FCHO2: variants seen among roughly 807,000 people sequenced by gnomAD.
FCHO2 encodes F-BAR domain only protein 2.
FCHO2 carries 43 observed loss-of-function variants against 114.1 expected under a neutral mutation model. The ratio of observed to expected loss-of-function variants is 0.38; its 90% CI spans 0.30 to 0.49. FCHO2 has a LOEUF of 0.49. FCHO2 is among the 20% of genes least tolerant of loss of function. The probability of loss-of-function intolerance (pLI) is 0.97; values close to 1 mark genes in which losing one functional copy is unlikely to be tolerated. For synonymous variants in FCHO2, 293 were observed against 315.2 expected, an observed-to-expected ratio of 0.93 and a Z score of 0.75; for missense variants, 807 against 950.4, an observed-to-expected ratio of 0.85 and a Z score of 1.98.
At chr5:72,971,519 A>T (rs1752552099) in intron 2 of FCHO2, among the ~76,000 whole-genome samples, 1 of 152,164 alleles carries the variant, frequency 6.6e-6, no homozygotes, top group Admixed American at 6.5e-5. Context: ...GTATCTGTTC[A>T]TGTCCTTCGC....
At chr5:73,041,834 A>T (rs1274115903) in intron 11 of FCHO2, among the ~76,000 whole-genome samples, 1 of 152,128 alleles carries the variant, frequency 6.6e-6, no homozygotes, top group Non-Finnish European at 1.5e-5. Flanking sequence ...TAAAGAAGAC[A>T]TCAAATGGAG....
intron 22 of FCHO2, among the ~76,000 whole-genome samples, chr5:73,080,969 G>A (rs539530332): frequency 6.6e-6 from 1 of 152,162 alleles, no homozygotes; most frequent in South Asian, 2.1e-4. Context: ...AATTCTCTGG[G>A]TGTGATGGCA....
chr5:73,048,239 C>T (rs546465615), intron 11 of FCHO2, among the ~76,000 whole-genome samples: 32 of 151,940 alleles, frequency 2.1e-4, no homozygotes, highest in African/African-American at 7.5e-4. Flanking sequence ...CAACTGAGGC[C>T]AGGAGTTCGA....
intron 5 of FCHO2, among the ~76,000 whole-genome samples, chr5:72,998,637 G>C (rs1453661870): frequency 6.6e-6 from 1 of 151,104 alleles, no homozygotes; most frequent in Admixed American, 6.6e-5. Context: ...GAGGATTAAA[G>C]TACTGCTGGG....
intron 1 of FCHO2, among the ~76,000 whole-genome samples, chr5:72,958,836 AACTT>A (rs1375618230): frequency 6.6e-6 from 1 of 152,240 alleles, no homozygotes; most frequent in Admixed American, 6.5e-5. Flanking sequence ...TTAAGTTGCT[AACTT>A]AATTCCAAAT....
At chr5:73,057,296 G>A (rs138178663) in intron 16 of FCHO2, among the ~76,000 whole-genome samples, 1 of 152,224 alleles carries the variant, frequency 6.6e-6, no homozygotes, top group Non-Finnish European at 1.5e-5. Context: ...TGATACTTTT[G>A]AGGTACTAAT....
At chr5:73,055,839 T>G (rs1427952478) in intron 15 of FCHO2, among the ~76,000 whole-genome samples, 1 of 152,174 alleles carries the variant, frequency 6.6e-6, no homozygotes, top group Non-Finnish European at 1.5e-5. Context: ...TTAATTGACT[T>G]AAGTCATTTC....
intron 6 of FCHO2, among the ~76,000 whole-genome samples, chr5:73,014,584 G>T (rs191513329): frequency 2.6e-5 from 4 of 151,820 alleles, no homozygotes; most frequent in Admixed American, 6.6e-5. Context: ...CACCGTGCCC[G>T]GTGTATATTA....
intron 24 of FCHO2, among the ~76,000 whole-genome samples, chr5:73,084,324 G>C (rs549434221): frequency 6.6e-6 from 1 of 152,082 alleles, no homozygotes; most frequent in Non-Finnish European, 1.5e-5. Context: ...GGAGTGCAGC[G>C]GCATGATCTT....
At chr5:73,009,824 G>A (rs1026283593) in intron 6 of FCHO2, among the ~76,000 whole-genome samples, 4 of 152,102 alleles carry the variant, frequency 2.6e-5, no homozygotes, top group Admixed American at 2.0e-4. Flanking sequence ...CACAGGCACC[G>A]TGCCAGCCCA....
intron 18 of FCHO2, among the ~76,000 whole-genome samples, chr5:73,064,461 A>G (rs1580190502): frequency 6.6e-6 from 1 of 152,160 alleles, no homozygotes; most frequent in Middle Eastern, 3.4e-3. Context: ...TATAGACTCT[A>G]TGCAGTGAGG....
At position 73,089,503 on chromosome 5, in the gene FCHO2, A is replaced by G. The variant is rs1743417363; in HGVS notation, c.*1413A>G. ...TATATTTGGTTAAACATTTCTAAAA[A>G]TAAACTACCAATACTAAATAGTAAG... is the stretch of plus-strand genomic sequence containing the variant. On this transcript the variant is annotated 3_prime_UTR_variant, in exon 26 of 26. Transcript: ENST00000430046. 6.6e-6 allele frequency: 1 copy of G among 152,410 alleles called. No individual in the cohort carries two copies. Among genetic ancestry groups the G allele is most frequent in the South Asian group, 2.1e-4 (1 of 4,836 alleles). The allele number at this position is 152,410 out of a possible 1,614,324, so 9.4% of individuals were successfully genotyped here.
intron 8 of FCHO2, among the ~76,000 whole-genome samples, chr5:73,027,490 T>A (rs1412087045): frequency 2.0e-5 from 3 of 152,042 alleles, no homozygotes; most frequent in Non-Finnish European, 4.4e-5. Context: ...GTTTGTCTAA[T>A]CCAAGGTCAC....
chr5:73,066,035 C>A (rs1272209651), intron 18 of FCHO2, among the ~76,000 whole-genome samples: 2 of 152,004 alleles, frequency 1.3e-5, no homozygotes, highest in Admixed American at 1.3e-4. Context: ...GGATAATGGC[C>A]TCCAGTTCTA....
chr5:72,972,153 C>T (rs1318769100), intron 2 of FCHO2, among the ~76,000 whole-genome samples: 1 of 151,958 alleles, frequency 6.6e-6, no homozygotes, highest in Non-Finnish European at 1.5e-5. Flanking sequence ...CACCTTTGTT[C>T]TTTTGGCTTA....
At chr5:73,063,452 T>C (rs912369576) in intron 17 of FCHO2, among the ~76,000 whole-genome samples, 1 of 152,054 alleles carries the variant, frequency 6.6e-6, no homozygotes, top group African/African-American at 2.4e-5. Flanking sequence ...ATTCTGGAGG[T>C]ACAGCTTCAA....
At chr5:73,078,482 T>A (rs569358772) in intron 22 of FCHO2, among the ~76,000 whole-genome samples, 170 bp downstream of exon 22, 1 of 152,336 alleles carries the variant, frequency 6.6e-6, no homozygotes, top group East Asian at 1.9e-4. Flanking sequence ...ACCAGTTTGG[T>A]AAAATTCACC....
At position 72,990,989 on chromosome 5, in the gene FCHO2, C is replaced by T; in HGVS notation, c.495+125C>T. 3 of 1,049,842 alleles carry T rather than the reference C, an allele frequency of 2.9e-6. No homozygotes were observed. In the East Asian group the frequency reaches 8.0e-5, roughly 28 times the overall value. The allele number at this position is 1,049,842 out of a possible 1,614,324, so 65.0% of individuals were successfully genotyped here. ...AGATGAAGACACTGTGCCTTACAGT[C>T]CTAGTGATTACCCAAGTAAAACACA... On this transcript the variant is annotated intron_variant, in intron 5 of 25. Transcript: ENST00000430046.
At chr5:73,064,022 TAC>T in intron 18 of FCHO2, 78 bp downstream of exon 18, 1 of 1,329,564 alleles carries the variant, frequency 7.5e-7, no homozygotes, top group Middle Eastern at 2.0e-4. Context: ...TATGCCCTTT[TAC>T]AGTTAATTGC....
Sources: gnomAD v4.1 joint callset for allele counts (sites outside exome capture counted in the v4.1 genomes callset) on GRCh38, gnomAD v4.1.1 for gene constraint, MANE v1.5 for transcripts, NCBI Gene and HGNC (gene_info 2026-07-23, HGNC 2026-07-21) for gene names.